The following CELSR1 variants were observed in gnomAD, a reference collection of about 807,000 sequenced individuals.
CELSR1 encodes the protein cadherin EGF LAG seven-pass G-type receptor 1, also known as adhesion G protein-coupled receptor C1.
A neutral mutation model predicts 249.1 loss-of-function variants in CELSR1; 110 were observed. The observed-to-expected ratio is 0.44, with a 90% CI of 0.38 to 0.52. The LOEUF (loss-of-function observed/expected upper bound fraction) is 0.52. Among genes scored for constraint, CELSR1 ranks in the 20% least tolerant of loss-of-function variants. The probability of loss-of-function intolerance (pLI) is 0.00; values close to 1 mark genes in which losing one functional copy is unlikely to be tolerated. For synonymous variants in CELSR1, 2,113 were observed against 1,900.0 expected (o/e 1.11, Z -2.92); for missense variants, 4,109 against 4,296.4 (o/e 0.96, Z 1.22).
intron 31 of CELSR1, 46 bp downstream of exon 31, chr22:46,365,540 T>C (rs1014924598): frequency 6.4e-7 from 1 of 1,551,892 alleles, no homozygotes; most frequent in African/African-American, 1.4e-5. Flanking sequence ...CGAAGGGACG[T>C]GGGAAAAACA....
chr22:46,368,898 A>G (rs1235999627), intron 27 of CELSR1, among the ~76,000 whole-genome samples: 10 of 151,996 alleles, frequency 6.6e-5, no homozygotes, highest in South Asian at 2.1e-4. Flanking sequence ...AGACAGCCCA[A>G]TACTTCTGTG....
At chr22:46,499,844 T>C (rs907296726) in intron 1 of CELSR1, among the ~76,000 whole-genome samples, 1 of 152,010 alleles carries the variant, frequency 6.6e-6, no homozygotes, top group African/African-American at 2.4e-5. Flanking sequence ...ATCCTTCTCA[T>C]CTGTCAGACA....
At chr22:46,487,424 G>A (rs967038143) in intron 1 of CELSR1, among the ~76,000 whole-genome samples, 3 of 147,528 alleles carry the variant, frequency 2.0e-5, no homozygotes, top group South Asian at 2.2e-4. Context: ...CTGTGTGTAC[G>A]AGGCTGAGAT....
At chr22:46,519,482 C>A (rs1317773341) in intron 1 of CELSR1, among the ~76,000 whole-genome samples, 1 of 152,240 alleles carries the variant, frequency 6.6e-6, no homozygotes, top group Non-Finnish European at 1.5e-5. Context: ...TTTGGGAGCC[C>A]CCGGGTTGGC....
Position 46,409,752 on chromosome 22 carries a change from C to T in CELSR1, c.5059+3G>A. 1 of 1,612,954 alleles carries T rather than the reference C, an allele frequency of 6.2e-7. No individual in the cohort carries two copies. The highest frequency in any genetic ancestry group is 8.5e-7 in the Non-Finnish European group (1 of 1,179,990). On this transcript the variant is annotated splice_donor_region_variant and intron_variant, in intron 8 of 34. Coordinates refer to ENST00000674500, the MANE Select transcript of CELSR1 (RefSeq NM_001378328.1). This position sits in a 1 kb window ranked among gnomAD's most constrained non-coding sequence, Gnocchi z 9.8. ...GGGGGGATGGACGACGCCGGCCACT[C>T]ACCTTGCTCACAGTTCTTCCCGCCG...
chr22:46,443,030 G>A (rs532517274), intron 2 of CELSR1, among the ~76,000 whole-genome samples: 32 of 152,152 alleles, frequency 2.1e-4, no homozygotes, highest in South Asian at 8.3e-4. Flanking sequence ...CGCGGGAGGC[G>A]GAGCTTGCAG....
In CELSR1 at chr22:46,369,213, T is replaced by C; in HGVS notation, c.7918A>G (p.Arg2640Gly). ...SVLSAKVSCQRKHHYYGKKGI... is the reference protein window; with the variant it reads ...SVLSAKVSCQGKHHYYGKKGI... ...TTTTTCCCATAATAATGGTGCTTTC[T>C]TTGGCAGGAAACCTTTGCAGATAGG... Residue 2640 changes from arginine (R) to glycine (G), a missense_variant, in exon 27 of 35, where the codon AGA becomes GGA. Transcript: ENST00000674500. 6.2e-7 allele frequency: 1 copy of C among 1,614,130 alleles called. No individual in the cohort carries two copies. The highest frequency in any genetic ancestry group is 8.5e-7 in the Non-Finnish European group (1 of 1,179,994).
chr22:46,364,641 C>T lies in CELSR1; in HGVS notation c.8650G>A (p.Val2884Met). Residue 2884 changes from valine to methionine, a missense_variant, in exon 33 of 35, where the codon GTG becomes ATG. Val to Met is a conservative substitution (Grantham distance 21). Transcript: ENST00000674500. ...AGCTCCACGCTGACCTTGGTCTCCA[C>T]CTTCAGGCGGGGCTTGCCGCTGGGG... ...EDPSGKPRLK[V>M]ETKVSVELHR... 1 of 1,612,742 alleles carries T rather than the reference C, an allele frequency of 6.2e-7. No homozygotes were observed. The highest frequency in any genetic ancestry group is 8.5e-7 in the Non-Finnish European group (1 of 1,179,928).
In CELSR1 at chr22:46,433,819, G is replaced by A. The variant is rs956422420; in HGVS notation, c.4523-338C>T. On this transcript the variant is annotated intron_variant, in intron 4 of 34. Transcript: ENST00000674500. This position sits in a 1 kb window ranked among gnomAD's most constrained non-coding sequence, Gnocchi z 5.7. ...CCTGCCTCAGCCTCCTGAGTAGCTG[G>A]GATTACAGGCACCCACCACCACACC... Among the ~76,000 whole-genome samples, 2 of 152,076 alleles carry A rather than the reference G, an allele frequency of 1.3e-5. No individual in the cohort carries two copies. The highest frequency in any genetic ancestry group is 2.4e-5 in the African/African-American group (1 of 41,380).
chr22:46,481,221 C>T (rs76507934), intron 1 of CELSR1: 21 of 292,226 alleles, frequency 7.2e-5, no homozygotes, highest in Middle Eastern at 4.2e-4. Flanking sequence ...CCAGCCTGCG[C>T]GAAAGAACAA....
In CELSR1 at chr22:46,410,729, C is replaced by T. The variant is rs961764356; in HGVS notation, c.4770-168G>A. Among the ~76,000 whole-genome samples, 3 of 151,872 alleles carry T rather than the reference C, an allele frequency of 2.0e-5. No individual in the cohort carries two copies. Among genetic ancestry groups the T allele is most frequent in the South Asian group, 4.2e-4 (2 of 4,798 alleles). On this transcript the variant is annotated intron_variant, in intron 6 of 34. Coordinates refer to ENST00000674500, the MANE Select transcript of CELSR1 (RefSeq NM_001378328.1). The surrounding 1 kb of genome is among the most constrained non-coding windows in gnomAD (Gnocchi z 6.8). ...CAGAGGGGGCTCCTGTGTCTGGTGC[C>T]GCCACTGCCTCCGTTTGCTCACACT... is the stretch of plus-strand genomic sequence containing the variant.
At chr22:46,369,586 C>A (rs939361830) in intron 26 of CELSR1, 106 bp downstream of exon 26, 6 of 999,568 alleles carry the variant, frequency 6.0e-6, no homozygotes, top group Non-Finnish European at 9.1e-6. Context: ...CTTCCTGCCC[C>A]CCGTCGGCTG....
At chr22:46,449,952 G>GCACTCACATGCTCA (rs1555919994) in intron 2 of CELSR1, among the ~76,000 whole-genome samples, 27 of 150,730 alleles carry the variant, frequency 1.8e-4, no homozygotes, top group African/African-American at 6.4e-4. Flanking sequence ...TCACATGCAC[G>GCACTCACATGCTCA]CACTCACATG....
In CELSR1 at chr22:46,363,427, G is replaced by A; in HGVS notation, c.9036-180C>T. ...GCTGCCCTTGGGAGGCAGGAGAGGG[G>A]ACCAGGACCAGCCTGTGGGCCTCTG... On this transcript the variant is annotated intron_variant, in intron 34 of 34. Transcript: ENST00000674500. This position sits in a 1 kb window ranked among gnomAD's most constrained non-coding sequence, Gnocchi z 4.3. 1 of 578,348 alleles carries A rather than the reference G, an allele frequency of 1.7e-6. No individual in the cohort carries two copies. Among genetic ancestry groups the A allele is most frequent in the East Asian group, 2.9e-5 (1 of 34,120 alleles). 35.8% of individuals were successfully genotyped at this position (578,348 alleles called of 1,614,324 possible).
rs191459079 is a variant in CELSR1, at chr22:46,464,287, G to A, written c.3603C>T (p.Asp1201=). 3 of 1,613,588 alleles carry A rather than the reference G, an allele frequency of 1.9e-6. No homozygotes were observed. Among genetic ancestry groups the A allele is most frequent in the Non-Finnish European group, 1.7e-6 (2 of 1,180,022 alleles). The change falls in exon 2 of 35, where the codon GAC becomes GAT. Residue 1201 remains aspartate, a synonymous_variant. Coordinates refer to ENST00000674500, the MANE Select transcript of CELSR1 (RefSeq NM_001378328.1). This position sits in a 1 kb window ranked among gnomAD's most constrained non-coding sequence, Gnocchi z 8.5. ...GGACAGTGATGCTGTTGGTCAGCAT[G>A]TCGTCCGTGATGATGGTGACACGCA... ...CTLRVTIITD[D]MLTNSITVRL... is the part of the protein sequence containing the mutation.
intron 1 of CELSR1, among the ~76,000 whole-genome samples, chr22:46,520,603 G>A (rs1168562335): frequency 6.6e-6 from 1 of 152,040 alleles, no homozygotes; most frequent in African/African-American, 2.4e-5. Flanking sequence ...TGGGATTACA[G>A]GCACCCGTCA....
In CELSR1 at chr22:46,398,691, C is replaced by T. The variant is rs567826888; in HGVS notation, c.5413-54G>A. ...GGGGCTGCATCCACCATCCTAGAAA[C>T]GTCTCTCAGATGGGAAGGATACACT... On this transcript the variant is annotated intron_variant, in intron 10 of 34. Transcript: ENST00000674500. The surrounding 1 kb of genome is among the most constrained non-coding windows in gnomAD (Gnocchi z 7.2). 82 of 1,406,684 alleles carry T rather than the reference C, an allele frequency of 5.8e-5. No individual in the cohort carries two copies. The highest frequency in any genetic ancestry group is 1.7e-4 in the South Asian group (14 of 80,774). 87.1% of individuals were successfully genotyped at this position (1,406,684 alleles called of 1,614,324 possible).
chr22:46,525,775 T>C (rs1392610406), intron 1 of CELSR1, among the ~76,000 whole-genome samples: 1 of 152,222 alleles, frequency 6.6e-6, no homozygotes, highest in Non-Finnish European at 1.5e-5. Context: ...TCTACCCACC[T>C]ATCCCCTTCC....
In CELSR1 at chr22:46,427,081, T is replaced by A. The variant is rs2079545631; in HGVS notation, c.4611+6312A>T. On this transcript the variant is annotated intron_variant, in intron 5 of 34. Transcript: ENST00000674500. The surrounding 1 kb of genome is among the most constrained non-coding windows in gnomAD (Gnocchi z 4.2). ...TAGATAAATAGGAAAAAAAGATCAA[T>A]ATGAAGTGTGTGTGCATGTATATAT... Among the ~76,000 whole-genome samples, 1 of 151,960 alleles carries A rather than the reference T, an allele frequency of 6.6e-6. No homozygotes were observed. The highest frequency in any genetic ancestry group is 2.4e-5 in the African/African-American group (1 of 41,346).
Sources: gnomAD v4.1 joint callset for allele counts (sites outside exome capture counted in the v4.1 genomes callset) on GRCh38, gnomAD v4.1.1 for gene constraint, Gnocchi (gnomAD v3.1) non-coding constraint, MANE v1.5 for transcripts, NCBI Gene and HGNC (gene_info 2026-07-23, HGNC 2026-07-21) for gene names.